MCF2L2: variants seen among roughly 807,000 people sequenced by gnomAD.
The protein encoded by MCF2L2 is probable guanine nucleotide exchange factor MCF2L2.
A neutral mutation model predicts 150.2 loss-of-function variants in MCF2L2; 102 were observed. The observed-to-expected ratio is 0.68, with a 90% CI of 0.58 to 0.80. MCF2L2 has a LOEUF of 0.80. Among genes scored for constraint, MCF2L2 ranks in the 30% least tolerant of loss-of-function variants. The probability of loss-of-function intolerance (pLI) is 0.00; values close to 1 mark genes in which losing one functional copy is unlikely to be tolerated. For missense variants in MCF2L2, 1,256 were observed against 1,372.8 expected (o/e 0.91, Z 1.34); for synonymous variants, 465 against 491.3 (o/e 0.95, Z 0.71).
chr3:183,268,320 A>G (rs1207247891), intron 15 of MCF2L2, among the ~76,000 whole-genome samples: 1 of 152,344 alleles, frequency 6.6e-6, no homozygotes, highest in East Asian at 1.9e-4. Flanking sequence ...GAAGGAGTTA[A>G]AAGAGCTCAG....
chr3:183,406,252 G>A (rs941450760), intron 1 of MCF2L2, among the ~76,000 whole-genome samples: 10 of 151,986 alleles, frequency 6.6e-5, no homozygotes, highest in Non-Finnish European at 1.2e-4. Flanking sequence ...ACCATGTCTT[G>A]GTATCGTCAT....
chr3:183,276,402 A>AT (rs955048526), intron 15 of MCF2L2, among the ~76,000 whole-genome samples: 2 of 152,178 alleles, frequency 1.3e-5, no homozygotes, highest in African/African-American at 4.8e-5. Flanking sequence ...GAGTATAAAT[A>AT]TTTTTTTAAA....
intron 27 of MCF2L2, among the ~76,000 whole-genome samples, chr3:183,189,520 C>T (rs1721805524): frequency 6.6e-6 from 1 of 152,210 alleles, no homozygotes; most frequent in Admixed American, 6.5e-5. Flanking sequence ...ATCTCACCTT[C>T]TTCCCTTCCC....
chr3:183,200,437 A>T (rs1314869867), intron 25 of MCF2L2, among the ~76,000 whole-genome samples: 1 of 152,080 alleles, frequency 6.6e-6, no homozygotes, highest in Non-Finnish European at 1.5e-5. Flanking sequence ...TTGAGAAGTG[A>T]CCGTTCATAT....
At chr3:183,233,524 A>C (rs543598584) in intron 15 of MCF2L2, among the ~76,000 whole-genome samples, 71 of 152,274 alleles carry the variant, frequency 4.7e-4, no homozygotes, top group African/African-American at 1.6e-3. Flanking sequence ...AGGTATTTTT[A>C]GTGAAAAAAC....
intron 15 of MCF2L2, among the ~76,000 whole-genome samples, chr3:183,247,661 T>TAATA (rs932361978): frequency 6.6e-6 from 1 of 152,128 alleles, no homozygotes; most frequent in East Asian, 1.9e-4. Flanking sequence ...TTGAAAATAT[T>TAATA]AATAAATAAA....
At chr3:183,307,987 C>T (rs544458111) in intron 10 of MCF2L2, among the ~76,000 whole-genome samples, 5 of 152,350 alleles carry the variant, frequency 3.3e-5, no homozygotes, top group Admixed American at 1.3e-4. Flanking sequence ...TCAAACAGAT[C>T]TCAGACCAAA....
intron 25 of MCF2L2, among the ~76,000 whole-genome samples, chr3:183,204,774 T>C (rs1409653435): frequency 2.0e-5 from 3 of 152,158 alleles, no homozygotes; most frequent in Non-Finnish European, 2.9e-5. Flanking sequence ...AACTAATGAA[T>C]GGATAAACAA....
At chr3:183,291,185 A>G (rs1326210162) in intron 13 of MCF2L2, among the ~76,000 whole-genome samples, 1 of 152,208 alleles carries the variant, frequency 6.6e-6, no homozygotes, top group Non-Finnish European at 1.5e-5. Flanking sequence ...AAATGCATGC[A>G]CTATAATTTG....
At chr3:183,212,946 T>TGTGGGGGGGTGGGGGGG (rs1258198356) in intron 22 of MCF2L2, among the ~76,000 whole-genome samples, 2 of 2,810 alleles carry the variant, frequency 7.1e-4, no homozygotes, top group Non-Finnish European at 1.6e-3. Flanking sequence ...ATATAGGTAT[T>TGTGGGGGGGTGGGGGGG]GTGGGGGGGT....
intron 18 of MCF2L2, chr3:183,225,455 C>T (rs533559583): frequency 1.7e-4 from 26 of 152,252 alleles, no homozygotes; most frequent in African/African-American, 5.3e-4. Flanking sequence ...CAGCAACATA[C>T]AAAAGTGCCC....
At chr3:183,377,350 T>C (rs1436576736) in intron 3 of MCF2L2, 2 of 152,244 alleles carry the variant, frequency 1.3e-5, no homozygotes, top group African/African-American at 4.8e-5. Flanking sequence ...GCTTCATCCA[T>C]GTCCCTGCAA....
intron 1 of MCF2L2, among the ~76,000 whole-genome samples, chr3:183,407,658 G>A (rs1235693968): frequency 6.6e-6 from 1 of 152,136 alleles, no homozygotes; most frequent in African/African-American, 2.4e-5. Context: ...AAGGCACTGA[G>A]GGAGAAAATG....
chr3:183,180,450 T>G (rs535367829), intron 27 of MCF2L2: 8 of 387,970 alleles, frequency 2.1e-5, no homozygotes, highest in African/African-American at 1.4e-4. Context: ...TGTTTGCCAG[T>G]CTTCTAACCA....
rs1553794481 is a variant in MCF2L2 at position 183,395,935 on chromosome 3, A to AAAAAAAG, written c.77-6157_77-6156insCTTTTTT. 1.8e-3 allele frequency among the ~76,000 whole-genome samples: 182 copies of AAAAAAAG among 99,080 alleles called. 1 individual carries two copies. The highest frequency in any genetic ancestry group is 5.3e-3 in the African/African-American group (175 of 33,120). The allele number at this position is 99,080 out of a possible 152,430, so 65.0% of individuals were successfully genotyped here. A position where few individuals can be genotyped will look rare whatever the true frequency, so the allele number is the denominator to read the frequency against. ...ATCGTCTCAAAAAAAAAAAAAAAAA[A>AAAAAAAG]AAAGAAAGAAAGAAAGAAAGAAAGA... is the stretch of plus-strand genomic sequence containing the variant. On this transcript the variant is annotated intron_variant, in intron 1 of 29. Coordinates refer to ENST00000328913, the MANE Select transcript of MCF2L2 (RefSeq NM_015078.4).
At chr3:183,336,863 AAATAT>A (rs1029618345) in intron 5 of MCF2L2, among the ~76,000 whole-genome samples, 8 of 129,168 alleles carry the variant, frequency 6.2e-5, no homozygotes, top group African/African-American at 2.7e-4. Flanking sequence ...CTCAAAAAAA[AAATAT>A]ATATATATAT....
chr3:183,365,607 A>G (rs1296905968), intron 3 of MCF2L2, among the ~76,000 whole-genome samples: 1 of 152,122 alleles, frequency 6.6e-6, no homozygotes. Flanking sequence ...CATACCAACC[A>G]CAAACAATCT....
chr3:183,263,167 T>C (rs1725778548), intron 15 of MCF2L2, among the ~76,000 whole-genome samples: 1 of 152,140 alleles, frequency 6.6e-6, no homozygotes. Flanking sequence ...TGTAAACAAC[T>C]TCCTGGCTGA....
chr3:183,268,360 A>G (rs1306552068), intron 15 of MCF2L2, among the ~76,000 whole-genome samples: 4 of 152,216 alleles, frequency 2.6e-5, no homozygotes, highest in Admixed American at 2.6e-4. Flanking sequence ...CAAGTTTTAC[A>G]AAGGTCACGC....
Sources: allele counts gnomAD v4.1 joint callset (sites outside exome capture counted in the v4.1 genomes callset), GRCh38; gene constraint gnomAD v4.1.1; transcripts MANE v1.5; gene names NCBI Gene and HGNC (gene_info 2026-07-23, HGNC 2026-07-21).